The following ACTR8 variants were observed in gnomAD, a reference collection of about 807,000 sequenced individuals.
ACTR8 encodes actin related protein 8, also known as actin-related protein 8.
A neutral mutation model predicts 84.3 loss-of-function variants in ACTR8; 70 were observed. The observed-to-expected ratio is 0.83, with a 90% CI of 0.68 to 1.01. ACTR8 has a LOEUF of 1.01. Ranked by LOEUF, ACTR8 falls within the 50% of genes least tolerant of loss-of-function variation. ACTR8 has a pLI of 0.00. For missense variants in ACTR8, 672 were observed against 775.4 expected (o/e 0.87, Z 1.58); for synonymous variants, 268 against 275.2 (o/e 0.97, Z 0.26).
intron 11 of ACTR8, 92 bp downstream of exon 11, chr3:53,871,140 T>C: frequency 6.7e-7 from 1 of 1,493,556 alleles, no homozygotes; most frequent in East Asian, 2.3e-5. Flanking sequence ...AATGAATATG[T>C]TATACTGCAC....
chr3:53,867,361 C>T lies in ACTR8; in HGVS notation c.*1358G>A, dbSNP rs1576857716. 6.6e-6 allele frequency: 1 copy of T among 152,132 alleles called. No homozygotes were observed. Among genetic ancestry groups the T allele is most frequent in the African/African-American group, 2.4e-5 (1 of 41,420 alleles). The allele number at this position is 152,132 out of a possible 1,614,324, so 9.4% of individuals were successfully genotyped here. A position where few individuals can be genotyped will look rare whatever the true frequency, so the allele number is the denominator to read the frequency against. On this transcript the variant is annotated 3_prime_UTR_variant, in exon 13 of 13. Coordinates refer to ENST00000335754, the MANE Select transcript of ACTR8 (RefSeq NM_022899.5). Reference sequence around the variant, plus strand: ...CTGTTAACAAATTTAAAAAATAAAACATACAATTTTCAAATTGAAGGCACA... The same window carrying T: ...CTGTTAACAAATTTAAAAAATAAAATATACAATTTTCAAATTGAAGGCACA...
Position 53,877,098 on chromosome 3 carries a change from C to T in ACTR8, c.684+116G>A, listed in dbSNP as rs1258225575. ...TCCTCATGCCACCAAGAATCCTCAC[C>T]CTGAAGGTCAAGAATGTTTCAAGAA... On this transcript the variant is annotated intron_variant, in intron 5 of 12. Coordinates refer to ENST00000335754, the MANE Select transcript of ACTR8 (RefSeq NM_022899.5). 13 of 1,026,472 alleles carry T rather than the reference C, an allele frequency of 1.3e-5. No individual in the cohort carries two copies. In the East Asian group the frequency reaches 3.7e-4, roughly 29 times the overall value. 63.6% of individuals were successfully genotyped at this position (1,026,472 alleles called of 1,614,324 possible).
downstream of ACTR8, chr3:53,865,157 C>T (rs752842028): frequency 6.2e-7 from 1 of 1,614,194 alleles, no homozygotes; most frequent in Non-Finnish European, 8.5e-7. Flanking sequence ...GAGATTGATA[C>T]AAAAGACGAT....
Position 53,876,088 on chromosome 3 carries a change from G to GC in ACTR8, c.779-9_779-8insG, listed in dbSNP as rs1184758505. ...CCTGATGGACCACAATCCCTGGGGG[G>GC]GGAAAAGAAAAGGCAGAGTAGTCAT... On this transcript the variant is annotated splice_polypyrimidine_tract_variant and intron_variant, in intron 6 of 12. Transcript: ENST00000335754. 30 of 1,582,512 alleles carry GC rather than the reference G, an allele frequency of 1.9e-5. No individual in the cohort carries two copies. The highest frequency in any genetic ancestry group is 8.0e-5 in the African/African-American group (5 of 62,784).
intron 6 of ACTR8, among the ~76,000 whole-genome samples, 167 bp from the exon 7 acceptor site, chr3:53,876,247 G>A (rs1436798928): frequency 4.6e-5 from 7 of 152,120 alleles, no homozygotes; most frequent in Non-Finnish European, 7.4e-5. Flanking sequence ...GGCCCGGCGC[G>A]GTGGCTCACG....
chr3:53,877,237 C>T lies in ACTR8; in HGVS notation c.661G>A (p.Glu221Lys). 2 of 1,603,966 alleles carry T rather than the reference C, an allele frequency of 1.2e-6. No homozygotes were observed. Among genetic ancestry groups the T allele is most frequent in the Non-Finnish European group, 1.7e-6 (2 of 1,176,844 alleles). ...ACCTTTAAATCTTTCAGTGGGATTTCCAAGTATTTTTGTATCGCATGAGAC... is the reference window on the plus strand; with the variant it reads ...ACCTTTAAATCTTTCAGTGGGATTTTCAAGTATTTTTGTATCGCATGAGAC... ...IWSHAIQKYL[E>K]IPLKDLKYYR... The change falls in exon 5 of 13, where the codon GAA (glutamate) becomes AAA (lysine). Residue 221 changes from glutamate to lysine, a missense_variant. Physicochemically the swap from Glu to Lys is moderately conservative, Grantham distance 56. Transcript: ENST00000335754.
At chr3:53,861,769 A>G in the ACTR8 span, among the ~76,000 whole-genome samples, 2 of 152,238 alleles carry the variant, frequency 1.3e-5, no homozygotes, top group Admixed American at 6.5e-5. Context: ...CCCGGATGCC[A>G]TTAAGAAAAT....
At chr3:53,866,559 A>G (rs1460433695), downstream of ACTR8, among the ~76,000 whole-genome samples, 2 of 151,494 alleles carry the variant, frequency 1.3e-5, no homozygotes, top group South Asian at 2.1e-4. Flanking sequence ...TCGGCTCACT[A>G]CAACCTCTGC....
In ACTR8 at chr3:53,877,400, G is replaced by A. The variant is rs1205058923; in HGVS notation, c.511-13C>T. Reference sequence around the variant, plus strand: ...TAACATACAAGGCCTAGAAAAGGAGGAGGGAGATGAGTACTTTGTTAAAAC... The same window carrying A: ...TAACATACAAGGCCTAGAAAAGGAGAAGGGAGATGAGTACTTTGTTAAAAC... On this transcript the variant is annotated splice_polypyrimidine_tract_variant and intron_variant, in intron 4 of 12. Coordinates refer to ENST00000335754, the MANE Select transcript of ACTR8 (RefSeq NM_022899.5). 1.9e-6 allele frequency: 3 copies of A among 1,580,524 alleles called. No individual in the cohort carries two copies. Among genetic ancestry groups the A allele is most frequent in the Non-Finnish European group, 2.6e-6 (3 of 1,165,324 alleles).
downstream of ACTR8, chr3:53,865,591 C>A: frequency 2.7e-6 from 1 of 363,708 alleles, no homozygotes; most frequent in Non-Finnish European, 5.0e-6. Flanking sequence ...GCATCTTCAG[C>A]CAAACATCTA....
At chr3:53,862,358 A>G (rs1346100444), downstream of ACTR8, among the ~76,000 whole-genome samples, 1 of 152,242 alleles carries the variant, frequency 6.6e-6, no homozygotes, top group East Asian at 1.9e-4. Flanking sequence ...AGAGAACAAC[A>G]TGGAAGTCTG....
chr3:53,861,676 A>C, the ACTR8 span: 2 of 152,216 alleles, frequency 1.3e-5, no homozygotes, highest in Admixed American at 1.3e-4. Flanking sequence ...ATGGTTTGAT[A>C]ATTTTTAAAA....
intron 6 of ACTR8, 28 bp downstream of exon 6, chr3:53,876,592 A>G (rs1340385347): frequency 1.6e-6 from 2 of 1,244,360 alleles, no homozygotes; most frequent in Admixed American, 3.9e-5. Flanking sequence ...TCCATTTAAA[A>G]TAGGTTTCAC....
Position 53,868,673 on chromosome 3 carries a change from C to A in ACTR8, c.*46G>T. 1.2e-6 allele frequency: 2 copies of A among 1,603,450 alleles called. No homozygotes were observed. The highest frequency in any genetic ancestry group is 1.7e-5 in the Admixed American group (1 of 58,414). ...ACATATTCTGTAAGAGTCTTTTATA[C>A]CAAGAAGCTTGTTTTTGGTCTTCGG... is the stretch of plus-strand genomic sequence containing the variant. On this transcript the variant is annotated 3_prime_UTR_variant, in exon 13 of 13. Transcript: ENST00000335754.
Position 53,869,970 on chromosome 3 carries a change from GA to G in ACTR8, c.1731+11del. 6.2e-7 allele frequency: 1 copy of G among 1,613,516 alleles called. No homozygotes were observed. ...TTGCATACAGTCCAACTTGCACAAT[GA>G]AACAACCTACCTTAGGCCTTGTGAT... is the stretch of plus-strand genomic sequence containing the variant. On this transcript the variant is annotated intron_variant, in intron 12 of 12. Coordinates refer to ENST00000335754, the MANE Select transcript of ACTR8 (RefSeq NM_022899.5).
the ACTR8 span, chr3:53,860,399 T>C: frequency 2.1e-6 from 1 of 465,482 alleles, no homozygotes. Context: ...CATGACTGGA[T>C]TACACATGCC....
rs144649192 is a variant in ACTR8, at chr3:53,876,476, G to A, written c.778+144C>T. 8.9e-3 allele frequency: 5,333 copies of A among 598,884 alleles called. 216 individuals carry two copies. In the East Asian group the frequency reaches 0.1, roughly 12 times the overall value. 37.1% of individuals were successfully genotyped at this position (598,884 alleles called of 1,614,324 possible). On this transcript the variant is annotated intron_variant, in intron 6 of 12. Transcript: ENST00000335754. ...GGAGCTTGCAGTGAGCTGAGATAGCGCCACTGCACTCCAGCCTGGGCGACA... is the reference window on the plus strand; with the variant it reads ...GGAGCTTGCAGTGAGCTGAGATAGCACCACTGCACTCCAGCCTGGGCGACA...
At chr3:53,875,006 A>C (rs983290002) in intron 7 of ACTR8, among the ~76,000 whole-genome samples, 3 of 152,246 alleles carry the variant, frequency 2.0e-5, no homozygotes, top group Admixed American at 6.5e-5. Context: ...ACTAGCATGT[A>C]AGGCAGCAAT....
intron 6 of ACTR8, 66 bp downstream of exon 6, chr3:53,876,554 A>G: frequency 3.3e-6 from 3 of 905,102 alleles, no homozygotes. Flanking sequence ...AGTAAATAAG[A>G]TTAACTCTGT....
Sources: allele counts gnomAD v4.1 joint callset (sites outside exome capture counted in the v4.1 genomes callset), GRCh38; gene constraint gnomAD v4.1.1; transcripts MANE v1.5; gene names NCBI Gene and HGNC (gene_info 2026-07-23, HGNC 2026-07-21).